The following GNB5 variants were observed in gnomAD, a reference collection of about 807,000 sequenced individuals.
GNB5 encodes guanine nucleotide-binding protein subunit beta-5.
Under a neutral mutation model 55.3 loss-of-function variants are expected in GNB5, and 37 were observed. The observed-to-expected ratio is 0.67, with a 90% CI of 0.51 to 0.88. The LOEUF (loss-of-function observed/expected upper bound fraction) is 0.88, where lower values mean the gene tolerates loss of function less well. Among genes scored for constraint, GNB5 ranks in the 40% least tolerant of loss-of-function variants. GNB5 has a pLI of 0.00. For missense variants in GNB5, 476 were observed against 515.3 expected (o/e 0.92, Z 0.74); for synonymous variants, 219 against 198.5 (o/e 1.10, Z -0.87).
chr15:52,169,538 CAAAAAAAAAAAAAAA>C (rs60470864), intron 3 of GNB5, among the ~76,000 whole-genome samples: 1 of 71,496 alleles, frequency 1.4e-5, no homozygotes, highest in Non-Finnish European at 2.5e-5. Flanking sequence ...GACTCTGTCT[CAAAAAAAAAAAAAAA>C]AAAAAAAAAA....
chr15:52,155,153 T>C (rs1466829533), intron 3 of GNB5, among the ~76,000 whole-genome samples: 1 of 152,182 alleles, frequency 6.6e-6, no homozygotes, highest in Non-Finnish European at 1.5e-5. Flanking sequence ...CTACATCTCC[T>C]TCCTTGAAAC....
intron 2 of GNB5, among the ~76,000 whole-genome samples, chr15:52,181,384 G>C (rs1353359622): frequency 6.6e-6 from 1 of 152,204 alleles, no homozygotes; most frequent in Non-Finnish European, 1.5e-5. Context: ...GGGAGGCCAA[G>C]GTGGGTGTAT....
At chr15:52,123,057 G>A (rs951212969) in intron 12 of GNB5, among the ~76,000 whole-genome samples, 26 of 152,028 alleles carry the variant, frequency 1.7e-4, no homozygotes, top group Non-Finnish European at 3.8e-4. Context: ...TACGGGCCTA[G>A]CTACTCTTCC....
chr15:52,143,235 T>C (rs1713817281), intron 6 of GNB5, among the ~76,000 whole-genome samples: 1 of 152,082 alleles, frequency 6.6e-6, no homozygotes, highest in Non-Finnish European at 1.5e-5. Context: ...AAGCATGCTG[T>C]GGACTATGGT....
chr15:52,164,389 C>A (rs7164915), intron 3 of GNB5, among the ~76,000 whole-genome samples: 8 of 147,256 alleles, frequency 5.4e-5, no homozygotes, highest in Non-Finnish European at 1.2e-4. Context: ...GAGGCCGAGG[C>A]GGGCGGATCA....
chr15:52,163,843 G>C (rs970268144), intron 3 of GNB5, among the ~76,000 whole-genome samples: 2 of 152,178 alleles, frequency 1.3e-5, no homozygotes, highest in Non-Finnish European at 2.9e-5. Flanking sequence ...CATCAGGTTG[G>C]TGCCCCTCTG....
At chr15:52,123,124 C>A (rs2033317307) in intron 12 of GNB5, among the ~76,000 whole-genome samples, 1 of 152,150 alleles carries the variant, frequency 6.6e-6, no homozygotes, top group South Asian at 2.1e-4. Context: ...ATTAACATGA[C>A]TACTCACTTA....
At chr15:52,145,483 A>C (rs2033953807) in intron 6 of GNB5, among the ~76,000 whole-genome samples, 1 of 151,890 alleles carries the variant, frequency 6.6e-6, no homozygotes, top group South Asian at 2.1e-4. Context: ...CTGCAAAAAA[A>C]AAAATACAAA....
At chr15:52,169,353 A>G (rs1238936287) in intron 3 of GNB5, among the ~76,000 whole-genome samples, 1 of 151,776 alleles carries the variant, frequency 6.6e-6, no homozygotes, top group Admixed American at 6.6e-5. Context: ...CCTGGCCAAC[A>G]TGGTGAAACC....
Position 52,130,505 on chromosome 15 carries a change from T to C in GNB5, c.864-2261A>G, listed in dbSNP as rs139511293. Among the ~76,000 whole-genome samples, 9 of 152,376 alleles carry C rather than the reference T, an allele frequency of 5.9e-5. No homozygotes were observed. In the East Asian group the frequency reaches 1.7e-3, roughly 29 times the overall value. On this transcript the variant is annotated intron_variant, in intron 9 of 12. Transcript: ENST00000261837. ...TTTAAGTTACAGTGTTCCCTATCAA[T>C]CAAGAATTGGGTTTATGTCTCCATT...
At chr15:52,135,541 T>C (rs1157462327) in intron 8 of GNB5, 72 bp downstream of exon 8, 1 of 1,343,044 alleles carries the variant, frequency 7.4e-7, no homozygotes, top group Non-Finnish European at 1.1e-6. Flanking sequence ...ATCCCATGAA[T>C]GGACAAGAAC....
At chr15:52,154,457 T>C (rs1184726925) in intron 3 of GNB5, among the ~76,000 whole-genome samples, 1 of 152,204 alleles carries the variant, frequency 6.6e-6, no homozygotes. Flanking sequence ...GAGACCGCTA[T>C]GCCCATTTAG....
In GNB5 at chr15:52,176,048, C is replaced by CA. The variant is rs891708764; in HGVS notation, c.238+3719dup. On this transcript the variant is annotated intron_variant, in intron 3 of 12. Transcript: ENST00000261837. ...TGGGCAACAGAGCCAGACTCCATCT[C>CA]AAAAAAAAACAAAACAAAACAAACA... Among the ~76,000 whole-genome samples, 495 of 147,804 alleles carry CA rather than the reference C, an allele frequency of 3.3e-3. 1 individual carries two copies. Among genetic ancestry groups the CA allele is most frequent in the African/African-American group, 0.011 (426 of 39,854 alleles).
At chr15:52,135,234 G>A (rs2033673696) in intron 8 of GNB5, among the ~76,000 whole-genome samples, 2 of 152,086 alleles carry the variant, frequency 1.3e-5, no homozygotes, top group South Asian at 2.1e-4. Flanking sequence ...GCCCTTGTGC[G>A]CATCTCTGAT....
intron 3 of GNB5, among the ~76,000 whole-genome samples, chr15:52,172,055 G>A (rs766164903): frequency 6.6e-6 from 1 of 152,194 alleles, no homozygotes; most frequent in Non-Finnish European, 1.5e-5. Flanking sequence ...TGTCTGGTTT[G>A]AGCCTGTCTT....
chr15:52,154,282 T>C (rs1464933507), intron 3 of GNB5, among the ~76,000 whole-genome samples: 1 of 152,244 alleles, frequency 6.6e-6, no homozygotes, highest in African/African-American at 2.4e-5. Flanking sequence ...GAGACAATAC[T>C]GCCATTCTCT....
chr15:52,115,807 C>G lies in GNB5; in HGVS notation c.*6950G>C, dbSNP rs992302795. The stretch of plus-strand genomic sequence containing the variant: ...CACCACCATCTAATTCAGTTCCCCC[C>G]GGAGAAACTCAGTGCCCACTAACCG... On this transcript the variant is annotated 3_prime_UTR_variant, in exon 13 of 13. Transcript: ENST00000261837. The G allele has an allele frequency of 6.6e-6, 1 of 152,218 alleles. No homozygotes were observed. Among genetic ancestry groups the G allele is most frequent in the African/African-American group, 2.4e-5 (1 of 41,444 alleles). The allele number at this position is 152,218 out of a possible 1,614,324, so 9.4% of individuals were successfully genotyped here. A position where few individuals can be genotyped will look rare whatever the true frequency, so the allele number is the denominator to read the frequency against.
At chr15:52,156,966 C>T (rs1176219923) in intron 3 of GNB5, among the ~76,000 whole-genome samples, 11 of 146,276 alleles carry the variant, frequency 7.5e-5, no homozygotes, top group Non-Finnish European at 1.5e-4. Context: ...GACGGAGTCT[C>T]GCTCGGTCGC....
intron 11 of GNB5, 118 bp downstream of exon 11, chr15:52,125,830 C>A: frequency 1.6e-6 from 1 of 624,558 alleles, no homozygotes; most frequent in Non-Finnish European, 2.9e-6. Context: ...TGGATGATTT[C>A]GCATACTGGT....
Sources: allele counts gnomAD v4.1 joint callset (sites outside exome capture counted in the v4.1 genomes callset), GRCh38; gene constraint gnomAD v4.1.1; transcripts MANE v1.5; gene names NCBI Gene and HGNC (gene_info 2026-07-23, HGNC 2026-07-21).